Variants in IL17F observed in about 807,000 individuals in gnomAD.
IL17F encodes interleukin-17F.
Under a neutral mutation model 8.3 loss-of-function variants are expected in IL17F, and 6 were observed. The observed-to-expected ratio is 0.73, with a 90% CI of 0.40 to 1.43. IL17F has a LOEUF of 1.43. Among genes scored for constraint, IL17F ranks in the 40% most tolerant of loss-of-function variants. The probability of loss-of-function intolerance (pLI) is 0.02; values close to 1 mark genes in which losing one functional copy is unlikely to be tolerated. For missense variants in IL17F, 204 were observed against 209.6 expected (o/e 0.97, Z 0.17); for synonymous variants, 98 against 81.6 (o/e 1.20, Z -1.08).
chr6:52,244,339 T>C, intron 1 of IL17F, 58 bp downstream of exon 1: 1 of 1,518,016 alleles, frequency 6.6e-7, no homozygotes, highest in South Asian at 1.1e-5. Context: ...CTTAGGATTC[T>C]GTTTTCTGAA....
In IL17F at chr6:52,238,804, G is replaced by T. The variant is rs2128267796; in HGVS notation, c.180C>A (p.Gly60=). ...AAACGCGCTGGTTTTCATTGATGAT[G>T]CCAATGTCAAGCTTCATACTACCTC... ...VPGGSMKLDI[G]IINENQRVSM... is the part of the protein sequence containing the mutation. The change falls in exon 2 of 3, where the codon GGC becomes GGA. Residue 60 remains glycine (G), a synonymous_variant. Transcript: ENST00000336123. The T allele has an allele frequency of 6.2e-7, 1 of 1,614,166 alleles. No individual in the cohort carries two copies.
intron 2 of IL17F, 23 bp downstream of exon 2, chr6:52,238,707 A>T: frequency 1.9e-6 from 3 of 1,583,712 alleles, no homozygotes; most frequent in Non-Finnish European, 2.6e-6. Context: ...AAGAATGTGA[A>T]AATCAGTCTC....
chr6:52,242,002 C>T (rs11465549), intron 1 of IL17F, among the ~76,000 whole-genome samples: 2,835 of 152,246 alleles, frequency 0.019, 36 homozygotes, highest in Non-Finnish European at 0.027. Context: ...TGCAAATACT[C>T]CAATTTGCTC....
chr6:52,237,850 C>T (rs1239481438), intron 2 of IL17F, among the ~76,000 whole-genome samples: 1 of 152,092 alleles, frequency 6.6e-6, no homozygotes, highest in Non-Finnish European at 1.5e-5. Flanking sequence ...ACCGAGAACC[C>T]AAACATCTCA....
chr6:52,240,218 C>T lies in IL17F; in HGVS notation c.34-1268G>A, dbSNP rs1047124123. On this transcript the variant is annotated intron_variant, in intron 1 of 2. Transcript: ENST00000336123. Reference sequence around the variant, plus strand: ...TTGGGAAGCCGAGGTGGGTGGATCACCTGAAGTCAGGAGTTCAGGACCAGC... The same window carrying T: ...TTGGGAAGCCGAGGTGGGTGGATCATCTGAAGTCAGGAGTTCAGGACCAGC... 3.3e-5 allele frequency among the ~76,000 whole-genome samples: 5 copies of T among 152,192 alleles called. No homozygotes were observed. In the South Asian group the frequency reaches 6.2e-4, roughly 19 times the overall value.
chr6:52,238,834 C>A lies in IL17F; in HGVS notation c.150G>T (p.Val50=), dbSNP rs774364967. The part of the protein sequence containing the change: ...FFQKPESCPP[V]PGGSMKLDIG... ...TGTCAAGCTTCATACTACCTCCTGGCACAGGCGGGCAACTCTCAGGCTTTT... is the reference window on the plus strand; with the variant it reads ...TGTCAAGCTTCATACTACCTCCTGGAACAGGCGGGCAACTCTCAGGCTTTT... The change falls in exon 2 of 3, where the codon GTG becomes GTT. Residue 50 remains valine (V), a synonymous_variant. Coordinates refer to ENST00000336123, the MANE Select transcript of IL17F (RefSeq NM_052872.4). The A allele has an allele frequency of 6.2e-7, 1 of 1,614,108 alleles. No homozygotes were observed. The highest frequency in any genetic ancestry group is 1.1e-5 in the South Asian group (1 of 91,074).
upstream of IL17F, among the ~76,000 whole-genome samples, chr6:52,244,724 C>A (rs572174047): frequency 6.6e-6 from 1 of 152,240 alleles, no homozygotes; most frequent in South Asian, 2.1e-4. Flanking sequence ...ACCCCCATTG[C>A]CCACAAATCA....
In IL17F at chr6:52,244,396, C is replaced by T. The variant is rs1184312117; in HGVS notation, c.33+1G>A. The T allele has an allele frequency of 1.2e-6, 2 of 1,613,622 alleles. No individual in the cohort carries two copies. The highest frequency in any genetic ancestry group is 1.1e-5 in the South Asian group (1 of 91,076). ...AAACCAGAATGATTGCTGCTACTCA[C>T]CATGGCTGGGCCATGCAGGGTCTTC... On this transcript the variant is annotated splice_donor_variant, in intron 1 of 2. Coordinates refer to ENST00000336123, the MANE Select transcript of IL17F (RefSeq NM_052872.4). LOFTEE classifies it high-confidence loss of function.
intron 2 of IL17F, among the ~76,000 whole-genome samples, chr6:52,238,216 A>C (rs1409418929): frequency 6.6e-6 from 1 of 152,232 alleles, no homozygotes; most frequent in Non-Finnish European, 1.5e-5. Context: ...GGAGAGTATG[A>C]GGGAGTGCTT....
At chr6:52,241,392 T>A (rs1266624312) in intron 1 of IL17F, among the ~76,000 whole-genome samples, 1 of 152,170 alleles carries the variant, frequency 6.6e-6, no homozygotes, top group East Asian at 1.9e-4. Context: ...ATGACTTTTT[T>A]TTTAAAAGAT....
chr6:52,237,248 G>T, intron 2 of IL17F, 80 bp from the exon 3 acceptor site: 1 of 1,096,580 alleles, frequency 9.1e-7, no homozygotes. Context: ...AGCACTGAGT[G>T]TTCACCTGCA....
At chr6:52,243,517 G>C (rs539830512) in intron 1 of IL17F, among the ~76,000 whole-genome samples, 6 of 152,188 alleles carry the variant, frequency 3.9e-5, no homozygotes, top group Non-Finnish European at 8.8e-5. Context: ...GGGCACTCCT[G>C]TAATCTCAGG....
At chr6:52,244,829 C>T (rs990408952), upstream of IL17F, among the ~76,000 whole-genome samples, 12 of 152,280 alleles carry the variant, frequency 7.9e-5, no homozygotes, top group African/African-American at 2.6e-4. Flanking sequence ...ACCCTTGTCA[C>T]GGACCATATG....
intron 2 of IL17F, 64 bp from the exon 3 acceptor site, chr6:52,237,232 C>T: frequency 1.6e-6 from 2 of 1,231,206 alleles, no homozygotes; most frequent in South Asian, 1.3e-5. Flanking sequence ...CGAATGAGAG[C>T]CCCACAGCAC....
chr6:52,239,561 G>T (rs574202722), intron 1 of IL17F, among the ~76,000 whole-genome samples: 11 of 152,092 alleles, frequency 7.2e-5, no homozygotes, highest in African/African-American at 2.7e-4. Flanking sequence ...CCCTAAAATG[G>T]TTCAATCAGA....
intron 2 of IL17F, among the ~76,000 whole-genome samples, chr6:52,238,294 T>A (rs1292186794): frequency 6.6e-6 from 1 of 152,214 alleles, no homozygotes; most frequent in Non-Finnish European, 1.5e-5. Flanking sequence ...CCACCTAACA[T>A]CCCATTTCCC....
chr6:52,241,374 G>A (rs1238975394), intron 1 of IL17F, among the ~76,000 whole-genome samples: 1 of 152,030 alleles, frequency 6.6e-6, no homozygotes, highest in Non-Finnish European at 1.5e-5. Flanking sequence ...TACCGCGCCT[G>A]GCCTGCTATG....
chr6:52,240,175 G>T lies in IL17F; in HGVS notation c.34-1225C>A, dbSNP rs536300241. Among the ~76,000 whole-genome samples, 17 of 152,224 alleles carry T rather than the reference G, an allele frequency of 1.1e-4. 1 individual carries two copies. In the South Asian group the frequency reaches 3.5e-3, roughly 32 times the overall value. ...CTGAAGGCCGGGTGCAGTGGCTCAC[G>T]CCTGTAATCCCAGCATTTTGGGAAG... On this transcript the variant is annotated intron_variant, in intron 1 of 2. Coordinates refer to ENST00000336123, the MANE Select transcript of IL17F (RefSeq NM_052872.4).
In IL17F at chr6:52,238,790, T is replaced by G; in HGVS notation, c.194A>C (p.Asn65Thr). The stretch of plus-strand genomic sequence containing the variant: ...GTTACGTGACATGGAAACGCGCTGG[T>G]TTTCATTGATGATGCCAATGTCAAG... ...MKLDIGIINE[N>T]QRVSMSRNIE... is the part of the protein sequence containing the mutation. Residue 65 changes from asparagine (N) to threonine (T), a missense_variant, in exon 2 of 3, where the codon AAC becomes ACC. Asn to Thr is a moderately conservative substitution (Grantham distance 65). Transcript: ENST00000336123. 1 of 1,614,202 alleles carries G rather than the reference T, an allele frequency of 6.2e-7. No homozygotes were observed. The highest frequency in any genetic ancestry group is 8.5e-7 in the Non-Finnish European group (1 of 1,180,026).
Sources: allele counts gnomAD v4.1 joint callset (sites outside exome capture counted in the v4.1 genomes callset), GRCh38; gene constraint gnomAD v4.1.1; transcripts MANE v1.5; gene names NCBI Gene and HGNC (gene_info 2026-07-23, HGNC 2026-07-21).